TUBGCP3: variants seen among roughly 807,000 people sequenced by gnomAD.
TUBGCP3 encodes the protein tubulin gamma complex component 3.
TUBGCP3 carries 50 observed loss-of-function variants against 123.1 expected under a neutral mutation model. The observed-to-expected ratio is 0.41, with a 90% CI of 0.32 to 0.51. The LOEUF (loss-of-function observed/expected upper bound fraction) is 0.51, where lower values mean the gene tolerates loss of function less well. Among genes scored for constraint, TUBGCP3 ranks in the 20% least tolerant of loss-of-function variants. The pLI is 0.36. For synonymous variants in TUBGCP3, 405 were observed against 413.9 expected, an observed-to-expected ratio of 0.98 and a Z score of 0.26; for missense variants, 882 against 1,127.0, an observed-to-expected ratio of 0.78 and a Z score of 3.11.
chr13:112,570,703 C>T (rs2139281983), intron 1 of TUBGCP3, among the ~76,000 whole-genome samples: 1 of 152,254 alleles, frequency 6.6e-6, no homozygotes, highest in East Asian at 1.9e-4. Context: ...TTTACCACAT[C>T]GATTGACCCT....
chr13:112,598,072 G>A, the TUBGCP3 span, among the ~76,000 whole-genome samples: 5 of 152,076 alleles, frequency 3.3e-5, no homozygotes, highest in African/African-American at 4.8e-5. Context: ...AGAGGTTATC[G>A]TCAAAGGCGC....
intron 20 of TUBGCP3, among the ~76,000 whole-genome samples, chr13:112,496,934 C>T (rs552714644): frequency 1.0e-4 from 15 of 150,416 alleles, no homozygotes; most frequent in Admixed American, 8.0e-4. Flanking sequence ...TGCAGTGAGC[C>T]GAGATCGCGC....
rs1452628066 is a variant in TUBGCP3 at position 112,554,740 on chromosome 13, T to G, written c.840+147A>C. The G allele has an allele frequency of 1.7e-5, 10 of 601,234 alleles. No homozygotes were observed. The South Asian group carries it at 2.2e-4, about 13-fold the overall frequency. The allele number at this position is 601,234 out of a possible 1,614,324, so 37.2% of individuals were successfully genotyped here. On this transcript the variant is annotated intron_variant, in intron 7 of 21. Transcript: ENST00000261965. ...CTGAACGAGCCACAATGGACAGAAA[T>G]AGAAACCAGAATTCCACAGTGCAAT...
chr13:112,604,409 C>T, the TUBGCP3 span: 3 of 152,240 alleles, frequency 2.0e-5, no homozygotes, highest in Non-Finnish European at 4.4e-5. Flanking sequence ...GTAATCCTCC[C>T]ACCTCAGCCT....
intron 21 of TUBGCP3, among the ~76,000 whole-genome samples, chr13:112,487,053 A>ATATGTG (rs1555335838): frequency 6.8e-6 from 1 of 147,412 alleles, no homozygotes; most frequent in Non-Finnish European, 1.5e-5. Flanking sequence ...AACACTGTGT[A>ATATGTG]TGTGTGTGTG....
intron 1 of TUBGCP3, among the ~76,000 whole-genome samples, chr13:112,583,692 C>T (rs896841690): frequency 2.6e-5 from 4 of 152,202 alleles, no homozygotes; most frequent in Non-Finnish European, 5.9e-5. Context: ...AAAACAACTG[C>T]GGAAAAGTTG....
chr13:112,592,041 G>A (rs1219731111), upstream of TUBGCP3, among the ~76,000 whole-genome samples: 1 of 152,198 alleles, frequency 6.6e-6, no homozygotes. This position sits in a 1 kb window ranked among gnomAD's most constrained non-coding sequence, Gnocchi z 4.1. Flanking sequence ...GCATGCCACT[G>A]AGTGGGCATA....
intron 1 of TUBGCP3, among the ~76,000 whole-genome samples, chr13:112,570,181 T>G (rs2139279857): frequency 6.7e-6 from 1 of 149,344 alleles, no homozygotes; most frequent in East Asian, 2.0e-4. Flanking sequence ...CCCCGGTCAC[T>G]AAGTAAAGTT....
chr13:112,525,645 G>A (rs1435034515), intron 13 of TUBGCP3, among the ~76,000 whole-genome samples: 1 of 152,198 alleles, frequency 6.6e-6, no homozygotes, highest in Non-Finnish European at 1.5e-5. Context: ...GGGGCAGGCG[G>A]CAAATGGGGA....
In TUBGCP3 at chr13:112,519,680, C is replaced by T. The variant is rs927352853; in HGVS notation, c.1881+206G>A. Among the ~76,000 whole-genome samples, 36 of 152,220 alleles carry T rather than the reference C, an allele frequency of 2.4e-4. No homozygotes were observed. Among genetic ancestry groups the T allele is most frequent in the African/African-American group, 2.2e-4 (9 of 41,458 alleles). ...GGCTCCCCGCTGCAAGATGGGCAAA[C>T]GGAAACCCAGATGGTGGAGAGGGAG... is the stretch of plus-strand genomic sequence containing the variant. On this transcript the variant is annotated intron_variant, in intron 15 of 21. Transcript: ENST00000261965. This position sits in a 1 kb window ranked among gnomAD's most constrained non-coding sequence, Gnocchi z 6.2.
At chr13:112,572,761 A>G (rs1182512394) in intron 1 of TUBGCP3, among the ~76,000 whole-genome samples, 1 of 152,208 alleles carries the variant, frequency 6.6e-6, no homozygotes. Context: ...CAAGTTACAC[A>G]TCAACGTAAC....
intron 14 of TUBGCP3, among the ~76,000 whole-genome samples, chr13:112,521,468 G>A (rs1008667586): frequency 3.3e-5 from 5 of 152,158 alleles, no homozygotes; most frequent in African/African-American, 1.2e-4. Context: ...GGAACTGGCT[G>A]GAAATGCAAA....
rs989262738 is a variant in TUBGCP3 at position 112,524,623 on chromosome 13, A to AC, written c.1556-2115dup. Among the ~76,000 whole-genome samples, 15 of 151,750 alleles carry AC rather than the reference A, an allele frequency of 9.9e-5. No homozygotes were observed. Among genetic ancestry groups the AC allele is most frequent in the African/African-American group, 2.2e-4 (9 of 41,380 alleles). ...TCCAGGAACAATCTGGGGTCTATGT[A>AC]CCCCCCCACAAAAAAATACATGTAA... On this transcript the variant is annotated intron_variant, in intron 13 of 21. Coordinates refer to ENST00000261965, the MANE Select transcript of TUBGCP3 (RefSeq NM_006322.6). The surrounding 1 kb of genome is among the most constrained non-coding windows in gnomAD (Gnocchi z 4.4).
At chr13:112,548,934 T>C (rs1879300754) in intron 8 of TUBGCP3, among the ~76,000 whole-genome samples, 1 of 152,194 alleles carries the variant, frequency 6.6e-6, no homozygotes, top group Admixed American at 6.5e-5. Context: ...TGGCGATTCC[T>C]CAAGGATCTA....
chr13:112,568,780 C>T, intron 2 of TUBGCP3, among the ~76,000 whole-genome samples: 1 of 152,344 alleles, frequency 6.6e-6, no homozygotes, highest in East Asian at 1.9e-4. Flanking sequence ...AACAGGACAG[C>T]TCATGTGTGG....
upstream of TUBGCP3, chr13:112,588,243 C>T (rs778276321): frequency 9.1e-6 from 3 of 328,776 alleles, no homozygotes; most frequent in African/African-American, 4.3e-5. Flanking sequence ...GGTGCATTCC[C>T]CCTGCTGCTG....
intron 14 of TUBGCP3, chr13:112,521,715 T>G (rs1876640430): frequency 3.0e-6 from 3 of 985,304 alleles, no homozygotes; most frequent in African/African-American, 1.7e-5. Flanking sequence ...TTCTAAACAC[T>G]TGGGTGAAAA....
Position 112,519,798 on chromosome 13 carries a change from A to C in TUBGCP3, c.1881+88T>G. On this transcript the variant is annotated intron_variant, in intron 15 of 21. Transcript: ENST00000261965. This position sits in a 1 kb window ranked among gnomAD's most constrained non-coding sequence, Gnocchi z 6.2. ...AAAGATAACGGCTAGCTGTGCCTGA[A>C]ACAACATGGAAAACACTCGCTAGAA... 1 of 1,481,118 alleles carries C rather than the reference A, an allele frequency of 6.8e-7. No individual in the cohort carries two copies. Among genetic ancestry groups the C allele is most frequent in the Non-Finnish European group, 9.0e-7 (1 of 1,114,972 alleles). 91.7% of individuals were successfully genotyped at this position (1,481,118 alleles called of 1,614,324 possible).
At chr13:112,563,184 C>G (rs1880657547) in intron 3 of TUBGCP3, among the ~76,000 whole-genome samples, 1 of 152,202 alleles carries the variant, frequency 6.6e-6, no homozygotes, top group Non-Finnish European at 1.5e-5. Context: ...TCCTCTAGGT[C>G]TACCAACAAC....
Sources: gnomAD v4.1 joint callset for allele counts (sites outside exome capture counted in the v4.1 genomes callset) on GRCh38, gnomAD v4.1.1 for gene constraint, Gnocchi (gnomAD v3.1) non-coding constraint, MANE v1.5 for transcripts, NCBI Gene and HGNC (gene_info 2026-07-23, HGNC 2026-07-21) for gene names.